Variants in ABCA5 observed in about 807,000 individuals in gnomAD.
The protein encoded by ABCA5 is cholesterol transporter ABCA5.
In ABCA5, 163 loss-of-function variants were observed where a neutral mutation model predicts 206.0. That is an observed-to-expected ratio of 0.79 (90% CI 0.70 to 0.90). The LOEUF (loss-of-function observed/expected upper bound fraction) is 0.90, where lower values mean the gene tolerates loss of function less well. Ranked by LOEUF, ABCA5 falls within the 40% of genes least tolerant of loss-of-function variation. The pLI is 0.00. For missense variants in ABCA5, 1,859 were observed against 1,912.9 expected (o/e 0.97, Z 0.53); for synonymous variants, 609 against 613.8 (o/e 0.99, Z 0.11).
At chr17:69,258,039 G>A (rs776018648) in intron 28 of ABCA5, among the ~76,000 whole-genome samples, 1 of 152,020 alleles carries the variant, frequency 6.6e-6, no homozygotes, top group Non-Finnish European at 1.5e-5. Context: ...GGAATACAAG[G>A]AATAAAGAGA....
At chr17:69,275,842 G>T (rs568466585) in intron 19 of ABCA5, among the ~76,000 whole-genome samples, 1 of 152,008 alleles carries the variant, frequency 6.6e-6, no homozygotes, top group Non-Finnish European at 1.5e-5. Flanking sequence ...CCCCATGATG[G>T]GATTAGTACA....
chr17:69,320,053 T>C (rs1308873226), intron 1 of ABCA5, among the ~76,000 whole-genome samples: 2 of 152,174 alleles, frequency 1.3e-5, no homozygotes, highest in Non-Finnish European at 2.9e-5. Context: ...GTTGTTAAAA[T>C]GACTAAAAGA....
intron 28 of ABCA5, 66 bp downstream of exon 28, chr17:69,259,640 T>C (rs2075123326): frequency 1.8e-6 from 2 of 1,085,164 alleles, no homozygotes. Context: ...AATTATGTTA[T>C]GGTAATGGTT....
intron 6 of ABCA5, among the ~76,000 whole-genome samples, chr17:69,305,864 C>T (rs1270243771): frequency 1.3e-5 from 2 of 152,080 alleles, no homozygotes; most frequent in African/African-American, 4.8e-5. Context: ...GAGCAAGACC[C>T]TGTCTCAAAA....
chr17:69,315,216 A>AAG (rs1409410076), intron 1 of ABCA5: 3 of 152,266 alleles, frequency 2.0e-5, no homozygotes, highest in Non-Finnish European at 4.4e-5. Context: ...TTAGTGTGAC[A>AAG]AAGGCTTGAG....
rs1460831565 is a variant in ABCA5 at position 69,261,256 on chromosome 17, C to T, written c.3433G>A (p.Ala1145Thr). The change falls in exon 26 of 39, where the codon GCG (alanine) becomes ACG (threonine). Residue 1145 changes from alanine (A) to threonine (T), a missense_variant. Transcript: ENST00000392676. ...EFWSFIYSVA[A>T]LACIAITEIT... ...TCAGTGATTGCAATACAAGCCAACG[C>T]TGCCTAAAGAAAAAAATAAATAAAT... The T allele has an allele frequency of 3.2e-6, 5 of 1,586,918 alleles. No homozygotes were observed. In the East Asian group the frequency reaches 9.0e-5, roughly 29 times the overall value.
intron 1 of ABCA5, among the ~76,000 whole-genome samples, chr17:69,325,271 T>C (rs894094425): frequency 1.1e-4 from 16 of 151,536 alleles, no homozygotes; most frequent in Non-Finnish European, 2.4e-4. Flanking sequence ...ATCCTGCCAC[T>C]GCACTTCATC....
At chr17:69,309,962 T>A (rs1443459657) in intron 3 of ABCA5, among the ~76,000 whole-genome samples, 2 of 152,316 alleles carry the variant, frequency 1.3e-5, no homozygotes, top group East Asian at 3.9e-4. Flanking sequence ...GTGTTATACT[T>A]ATGTTATAAA....
chr17:69,293,594 A>G (rs993082703), intron 11 of ABCA5, among the ~76,000 whole-genome samples: 2 of 152,120 alleles, frequency 1.3e-5, no homozygotes, highest in Non-Finnish European at 2.9e-5. Flanking sequence ...AATCAGTTGA[A>G]GGCCTTAAGA....
chr17:69,284,530 A>G (rs2075430306), intron 17 of ABCA5, among the ~76,000 whole-genome samples: 1 of 152,166 alleles, frequency 6.6e-6, no homozygotes, highest in South Asian at 2.1e-4. Context: ...ACATTAGAAA[A>G]CATACAGTAA....
chr17:69,254,474 T>C lies in ABCA5; in HGVS notation c.4085A>G (p.Tyr1362Cys). 1 of 1,611,610 alleles carries C rather than the reference T, an allele frequency of 6.2e-7. No individual in the cohort carries two copies. Among genetic ancestry groups the C allele is most frequent in the East Asian group, 2.2e-5 (1 of 44,774 alleles). The change falls in exon 32 of 39, where the codon TAT becomes TGT. Residue 1362 changes from tyrosine (Y) to cysteine (C), a missense_variant. Tyr to Cys is a radical substitution (Grantham distance 194). Transcript: ENST00000392676. ...ATCATCTTCACTTGTCTCTGAAGAA[T>C]AATCTCCTAAAAATACCTATAGAAA... ...PTSGQVFLGD[Y>C]SSETSEDDDS...
At chr17:69,253,093 T>C (rs1378566920) in intron 34 of ABCA5, among the ~76,000 whole-genome samples, 1 of 152,076 alleles carries the variant, frequency 6.6e-6, no homozygotes, top group Non-Finnish European at 1.5e-5. Context: ...CCATATAGTC[T>C]AGGTGTGTAG....
At chr17:69,293,363 C>T (rs477045) in intron 11 of ABCA5, among the ~76,000 whole-genome samples, 119,988 of 151,970 alleles carry the variant, frequency 0.79, 48,472 homozygotes, top group East Asian at 0.96. Flanking sequence ...TGGAAACTCA[C>T]GCAAGAATCT....
chr17:69,271,825 G>C (rs867095091), intron 20 of ABCA5, among the ~76,000 whole-genome samples: 37 of 152,178 alleles, frequency 2.4e-4, no homozygotes, highest in African/African-American at 8.4e-4. Context: ...ACTCCCTAGA[G>C]AATTTTTTGT....
In ABCA5 at chr17:69,324,621, G is replaced by C. The variant is rs535316331; in HGVS notation, c.-16+2431C>G. On this transcript the variant is annotated intron_variant, in intron 1 of 38. Transcript: ENST00000392676. Reference sequence around the variant, plus strand: ...CTTTCCCAATCCCCAAATCTCCAAAGCTTCCATCTGTAGGATCACCCTCAG... The same window carrying C: ...CTTTCCCAATCCCCAAATCTCCAAACCTTCCATCTGTAGGATCACCCTCAG... Among the ~76,000 whole-genome samples, 6 of 152,244 alleles carry C rather than the reference G, an allele frequency of 3.9e-5. No homozygotes were observed. In the South Asian group the frequency reaches 1.2e-3, roughly 32 times the overall value.
At chr17:69,298,692 A>C (rs1233567278) in intron 9 of ABCA5, among the ~76,000 whole-genome samples, 2 of 73,480 alleles carry the variant, frequency 2.7e-5, no homozygotes, top group Non-Finnish European at 6.3e-5. Flanking sequence ...TACAAAAATC[A>C]ACTCAAGATA....
At chr17:69,303,324 C>T (rs567704508) in intron 7 of ABCA5, among the ~76,000 whole-genome samples, 7 of 151,974 alleles carry the variant, frequency 4.6e-5, no homozygotes, top group African/African-American at 1.7e-4. Flanking sequence ...CACCATGTTG[C>T]CCAGGCTGGT....
intron 3 of ABCA5, among the ~76,000 whole-genome samples, chr17:69,311,340 G>C (rs1412304772): frequency 6.6e-6 from 1 of 152,094 alleles, no homozygotes; most frequent in Non-Finnish European, 1.5e-5. Context: ...CATCCTACCA[G>C]TCATGTTATG....
intron 3 of ABCA5, among the ~76,000 whole-genome samples, chr17:69,312,511 A>G (rs1348675825): frequency 1.3e-5 from 2 of 152,220 alleles, no homozygotes; most frequent in African/African-American, 4.8e-5. Context: ...TTCTATAAAC[A>G]AGCATGGTAA....
Sources: gnomAD v4.1 joint callset for allele counts (sites outside exome capture counted in the v4.1 genomes callset) on GRCh38, gnomAD v4.1.1 for gene constraint, MANE v1.5 for transcripts, NCBI Gene and HGNC (gene_info 2026-07-23, HGNC 2026-07-21) for gene names.